Variants in NCK1 observed in about 807,000 individuals in gnomAD.
NCK1 encodes SH2/SH3 adapter protein NCK1.
NCK1 carries 19 observed loss-of-function variants against 36.6 expected under a neutral mutation model. That is an observed-to-expected ratio of 0.52 (90% confidence interval 0.36 to 0.76). NCK1 has a LOEUF of 0.76. Ranked by LOEUF, NCK1 falls within the 30% of genes least tolerant of loss-of-function variation. The probability of loss-of-function intolerance (pLI) is 0.00; values close to 1 mark genes in which losing one functional copy is unlikely to be tolerated. For synonymous variants in NCK1, 165 were observed against 156.0 expected (o/e 1.06, Z -0.43); for missense variants, 358 against 445.6 (o/e 0.80, Z 1.77).
chr3:136,880,033 C>G (rs1001413584), intron 1 of NCK1, among the ~76,000 whole-genome samples: 11 of 148,234 alleles, frequency 7.4e-5, no homozygotes, highest in African/African-American at 2.0e-4. Context: ...GCCTGTAATC[C>G]CAGCACTTTG....
At chr3:136,926,252 T>C (rs1940233192) in intron 1 of NCK1, among the ~76,000 whole-genome samples, 1 of 149,142 alleles carries the variant, frequency 6.7e-6, no homozygotes. Flanking sequence ...CTTTTTAAAA[T>C]TTTATTTTAA....
chr3:136,873,145 A>G (rs961437845), intron 1 of NCK1, among the ~76,000 whole-genome samples: 19 of 152,152 alleles, frequency 1.2e-4, no homozygotes, highest in Non-Finnish European at 4.4e-5. Context: ...AGCTGCAGAC[A>G]CTCAATGCAA....
chr3:136,914,601 T>C (rs1373470032), intron 1 of NCK1, among the ~76,000 whole-genome samples: 4 of 152,232 alleles, frequency 2.6e-5, no homozygotes, highest in African/African-American at 4.8e-5. Context: ...AGAAAATCCA[T>C]TGGAGACCTT....
Position 136,948,602 on chromosome 3 carries a change from G to C in NCK1, c.*149G>C, listed in dbSNP as rs1474480655. The C allele has an allele frequency of 1.5e-6, 1 of 661,368 alleles. No individual in the cohort carries two copies. Among genetic ancestry groups the C allele is most frequent in the Non-Finnish European group, 2.6e-6 (1 of 390,050 alleles). 41.0% of individuals were successfully genotyped at this position (661,368 alleles called of 1,614,324 possible). On this transcript the variant is annotated 3_prime_UTR_variant, in exon 4 of 4. Transcript: ENST00000481752. Reference sequence around the variant, plus strand: ...CAATAAGTATTTTTATTATAACTCAGCCCATACATATATACTATGTATGCA... The same window carrying C: ...CAATAAGTATTTTTATTATAACTCACCCCATACATATATACTATGTATGCA...
chr3:136,862,778 C>G (rs1454188413), intron 1 of NCK1, among the ~76,000 whole-genome samples: 1 of 152,238 alleles, frequency 6.6e-6, no homozygotes, highest in African/African-American at 2.4e-5. Flanking sequence ...AGGAAGGGCG[C>G]TCTCACCTCC....
intron 1 of NCK1, among the ~76,000 whole-genome samples, chr3:136,910,373 T>C (rs1215418787): frequency 6.6e-6 from 1 of 152,214 alleles, no homozygotes; most frequent in African/African-American, 2.4e-5. Context: ...TGCATTTGTC[T>C]CTTATGTAGA....
At chr3:136,937,775 T>C (rs1356159046) in intron 2 of NCK1, among the ~76,000 whole-genome samples, 1 of 152,190 alleles carries the variant, frequency 6.6e-6, no homozygotes, top group Admixed American at 6.5e-5. Context: ...ACTGATTTTG[T>C]GTGTTGATCT....
intron 1 of NCK1, among the ~76,000 whole-genome samples, chr3:136,905,007 C>CT (rs71304270): frequency 0.13 from 16,868 of 128,086 alleles, 1,328 homozygotes; most frequent in Non-Finnish European, 0.19. Context: ...TTGGTTTTTC[C>CT]TTTTTTTTTT....
At chr3:136,895,942 T>C (rs1356076331) in intron 1 of NCK1, among the ~76,000 whole-genome samples, 1 of 152,228 alleles carries the variant, frequency 6.6e-6, no homozygotes, top group African/African-American at 2.4e-5. Context: ...TATATCTGGA[T>C]TTTTGTCATC....
chr3:136,888,718 A>C (rs1576954190), intron 1 of NCK1, among the ~76,000 whole-genome samples: 1 of 150,660 alleles, frequency 6.6e-6, no homozygotes, highest in African/African-American at 2.4e-5. Context: ...GTCACCCCTA[A>C]CCTCCCCTCT....
intron 1 of NCK1, among the ~76,000 whole-genome samples, chr3:136,900,768 C>T (rs1939520757): frequency 6.6e-6 from 1 of 151,962 alleles, no homozygotes; most frequent in Non-Finnish European, 1.5e-5. Flanking sequence ...TTGATTTTGT[C>T]CTGCAACTTT....
chr3:136,928,241 T>TA lies in NCK1; in HGVS notation c.226+18dup, dbSNP rs889691574. ...AGGATACCTTAGGTAAGATATTTTT[T>TA]AAAAGAAAAGCAACTTTGTTTTAAA... is the stretch of plus-strand genomic sequence containing the variant. On this transcript the variant is annotated intron_variant, in intron 2 of 3. Transcript: ENST00000481752. The TA allele has an allele frequency of 1.3e-6, 2 of 1,580,678 alleles. No individual in the cohort carries two copies. Among genetic ancestry groups the TA allele is most frequent in the Non-Finnish European group, 1.7e-6 (2 of 1,168,216 alleles).
At chr3:136,879,777 G>A (rs1480066785) in intron 1 of NCK1, among the ~76,000 whole-genome samples, 1 of 151,996 alleles carries the variant, frequency 6.6e-6, no homozygotes, top group Admixed American at 6.6e-5. Context: ...ACCAAACACT[G>A]CATGAGTTGA....
Position 136,946,172 on chromosome 3 carries a change from A to C in NCK1, c.816A>C (p.Ser272=). 3.1e-6 allele frequency: 5 copies of C among 1,613,520 alleles called. No homozygotes were observed. The highest frequency in any genetic ancestry group is 4.2e-6 in the Non-Finnish European group (5 of 1,179,860). The change falls in exon 3 of 4, where the codon TCA becomes TCC. Residue 272 remains serine (S), a synonymous_variant. Coordinates refer to ENST00000481752, the MANE Select transcript of NCK1 (RefSeq NM_001291999.2). ...CACAGTGTGATTACATTAGGCCTTC[A>C]CTCACTGGAAAGTTTGCTGGCAATC... is the stretch of plus-strand genomic sequence containing the variant. The part of the protein sequence containing the change: ...SPPQCDYIRP[S]LTGKFAGNPW...
intron 1 of NCK1, among the ~76,000 whole-genome samples, chr3:136,890,367 C>G (rs1282162392): frequency 2.0e-5 from 3 of 152,062 alleles, no homozygotes; most frequent in Non-Finnish European, 4.4e-5. Flanking sequence ...GCCCCAGTTC[C>G]CGCTGGCGCC....
At chr3:136,939,160 A>G (rs1268875939) in intron 2 of NCK1, among the ~76,000 whole-genome samples, 1 of 152,136 alleles carries the variant, frequency 6.6e-6, no homozygotes, top group East Asian at 1.9e-4. Context: ...TTTACTTGTT[A>G]TATGTCTGTT....
intron 1 of NCK1, among the ~76,000 whole-genome samples, chr3:136,901,467 A>G (rs545090158): frequency 4.6e-5 from 7 of 151,648 alleles, no homozygotes; most frequent in Non-Finnish European, 8.8e-5. Context: ...TAGTTCTTCT[A>G]TGAGTGTTTG....
intron 2 of NCK1, among the ~76,000 whole-genome samples, chr3:136,942,213 G>T (rs1296825338): frequency 6.6e-6 from 1 of 152,108 alleles, no homozygotes; most frequent in East Asian, 1.9e-4. Flanking sequence ...AATGTCTTAT[G>T]TTCTCCTTCA....
chr3:136,873,389 A>G (rs940738400), intron 1 of NCK1, among the ~76,000 whole-genome samples: 3 of 152,094 alleles, frequency 2.0e-5, no homozygotes, highest in African/African-American at 7.2e-5. Flanking sequence ...GGCTGTATTT[A>G]CCCAATTCCT....
Sources: allele counts gnomAD v4.1 joint callset (sites outside exome capture counted in the v4.1 genomes callset), GRCh38; gene constraint gnomAD v4.1.1; transcripts MANE v1.5; gene names NCBI Gene and HGNC (gene_info 2026-07-23, HGNC 2026-07-21).